Variants in CPEB2 observed in about 807,000 individuals in gnomAD.
The protein encoded by CPEB2 is cytoplasmic polyadenylation element binding protein 2, also known as cytoplasmic polyadenylation element-binding protein 2.
CPEB2 carries 56 observed loss-of-function variants against 93.6 expected under a neutral mutation model. The observed-to-expected ratio is 0.60, with a 90% confidence interval of 0.48 to 0.75. The LOEUF (loss-of-function observed/expected upper bound fraction) is 0.75. Among genes scored for constraint, CPEB2 ranks in the 30% least tolerant of loss-of-function variants. The pLI, the probability that CPEB2 is intolerant of heterozygous loss-of-function variation, is 0.00. For synonymous variants in CPEB2, 764 were observed against 586.3 expected, an observed-to-expected ratio of 1.30 and a Z score of -4.38; for missense variants, 1,579 against 1,395.1, an observed-to-expected ratio of 1.13 and a Z score of -2.10.
chr4:15,044,823 G>A (rs1006757795), intron 6 of CPEB2, among the ~76,000 whole-genome samples: 6 of 152,062 alleles, frequency 3.9e-5, no homozygotes, highest in East Asian at 1.9e-4. Context: ...GATGTGTGCC[G>A]CACATACACC....
chr4:15,059,328 TAAAA>T, intron 10 of CPEB2, 27 bp downstream of exon 10: 1 of 1,426,082 alleles, frequency 7.0e-7, no homozygotes, highest in Non-Finnish European at 9.9e-7. Flanking sequence ...CAATTTTGTT[TAAAA>T]AAATCATTTA....
At chr4:15,047,584 G>A (rs1249114471) in intron 6 of CPEB2, among the ~76,000 whole-genome samples, 1 of 151,856 alleles carries the variant, frequency 6.6e-6, no homozygotes, top group Admixed American at 6.6e-5. Flanking sequence ...TTTGGTTTTT[G>A]TAAATTGAAT....
intron 11 of CPEB2, among the ~76,000 whole-genome samples, chr4:15,063,065 C>T (rs570581161): frequency 3.3e-5 from 5 of 151,928 alleles, no homozygotes; most frequent in Admixed American, 6.6e-5. Flanking sequence ...TAAGAATATG[C>T]GGGTAAATGA....
At position 15,004,128 on chromosome 4, in the gene CPEB2, C is replaced by CG; in HGVS notation, c.1457dup (p.Gly487ArgfsTer65). On this transcript the variant is annotated frameshift_variant, in exon 1 of 12. Coordinates refer to ENST00000538197, the MANE Select transcript of CPEB2 (RefSeq NM_001177382.2). LOFTEE classifies it high-confidence loss of function. ...GCGTTCCGACGAGCGGCGGCGGCGG[C>CG]GGCGGCTTCGGCGGCCCCTTCTCGG... The CG allele has an allele frequency of 5.9e-6, 4 of 675,132 alleles. No individual in the cohort carries two copies. The highest frequency in any genetic ancestry group is 7.6e-5 in the East Asian group (1 of 13,186). The allele number at this position is 675,132 out of a possible 1,614,324, so 41.8% of individuals were successfully genotyped here. A position where few individuals can be genotyped will look rare whatever the true frequency, so the allele number is the denominator to read the frequency against.
At chr4:15,041,143 A>G (rs939625451) in intron 6 of CPEB2, among the ~76,000 whole-genome samples, 7 of 152,110 alleles carry the variant, frequency 4.6e-5, no homozygotes, top group Non-Finnish European at 1.0e-4. Flanking sequence ...ATGCAAGACT[A>G]TTATTGAACT....
At chr4:15,049,987 T>C (rs1457380685) in intron 6 of CPEB2, among the ~76,000 whole-genome samples, 2 of 152,212 alleles carry the variant, frequency 1.3e-5, no homozygotes, top group Non-Finnish European at 2.9e-5. Flanking sequence ...ATGTGTCATA[T>C]TGTTCAAGAT....
Position 15,003,459 on chromosome 4 carries a change from G to A in CPEB2, c.786G>A (p.Pro262=), listed in dbSNP as rs1432980702. ...RQRPADLPPL[P]QLPPSPPAAP... Reference sequence around the variant, plus strand: ...GTCCGGCAGACCTGCCCCCGCTCCCGCAGCTCCCTCCCTCGCCGCCTGCAG... The same window carrying A: ...GTCCGGCAGACCTGCCCCCGCTCCCACAGCTCCCTCCCTCGCCGCCTGCAG... The change falls in exon 1 of 12, where the codon CCG becomes CCA. Residue 262 remains proline, a synonymous_variant. Coordinates refer to ENST00000538197, the MANE Select transcript of CPEB2 (RefSeq NM_001177382.2). 2 of 1,375,318 alleles carry A rather than the reference G, an allele frequency of 1.5e-6. No individual in the cohort carries two copies. The highest frequency in any genetic ancestry group is 1.5e-5 in the African/African-American group (1 of 65,350). The allele number at this position is 1,375,318 out of a possible 1,614,324, so 85.2% of individuals were successfully genotyped here.
intron 4 of CPEB2, chr4:15,017,880 T>C (rs1291700332): frequency 6.6e-6 from 1 of 151,864 alleles, no homozygotes; most frequent in Non-Finnish European, 1.5e-5. Flanking sequence ...TCTGTACATA[T>C]TCTGTGTATA....
intron 4 of CPEB2, among the ~76,000 whole-genome samples, chr4:15,025,738 G>A (rs1725375616): frequency 2.0e-5 from 3 of 151,936 alleles, no homozygotes; most frequent in Admixed American, 1.3e-4. Context: ...CAGAGCTTCT[G>A]ATTTCTGAAC....
At chr4:15,023,000 G>T (rs529243082) in intron 4 of CPEB2, among the ~76,000 whole-genome samples, 5 of 151,966 alleles carry the variant, frequency 3.3e-5, no homozygotes, top group South Asian at 4.2e-4. Context: ...TTTCTTCCAA[G>T]CATCTTTGAA....
chr4:15,024,150 G>C (rs776061887), intron 4 of CPEB2, among the ~76,000 whole-genome samples: 5 of 151,964 alleles, frequency 3.3e-5, no homozygotes, highest in African/African-American at 4.8e-5. Flanking sequence ...TTATCATCCA[G>C]ATTGTTTTTT....
Position 15,004,297 on chromosome 4 carries a change from G to A in CPEB2, c.1624G>A (p.Ala542Thr), listed in dbSNP as rs967784776. 9 of 1,489,902 alleles carry A rather than the reference G, an allele frequency of 6.0e-6. No homozygotes were observed. In the Admixed American group the frequency reaches 1.3e-4, roughly 22 times the overall value. The allele number at this position is 1,489,902 out of a possible 1,614,324, so 92.3% of individuals were successfully genotyped here. ...LQQQHQAAAA[A>T]FLQQRNSYNH... ...GCAGCAGCACCAGGCGGCGGCCGCC[G>A]CCTTCCTGCAGCAGAGGAACTCCTA... Residue 542 changes from alanine to threonine, a missense_variant, in exon 1 of 12, where the codon GCC becomes ACC. Around this residue, in one of 2 missense-constraint regions of CPEB2, gnomAD observed 1,411 missense variants for 1,056.0 expected, o/e 1.34. Transcript: ENST00000538197.
intron 5 of CPEB2, among the ~76,000 whole-genome samples, chr4:15,034,399 G>A (rs955426741): frequency 2.0e-5 from 3 of 152,188 alleles, no homozygotes. Context: ...GTTGGGAAAA[G>A]CCCTTATAAA....
intron 3 of CPEB2, among the ~76,000 whole-genome samples, chr4:15,015,701 AAG>A (rs781039364): frequency 2.6e-5 from 4 of 151,958 alleles, no homozygotes; most frequent in Non-Finnish European, 2.9e-5. Flanking sequence ...TCGGGAAAAA[AAG>A]AAATTATGTA....
chr4:15,054,886 AAG>A (rs1329088361), intron 8 of CPEB2, among the ~76,000 whole-genome samples: 2 of 152,320 alleles, frequency 1.3e-5, no homozygotes, highest in East Asian at 1.9e-4. Context: ...GAATAAAAAA[AAG>A]AGGGGAGGTT....
intron 5 of CPEB2, among the ~76,000 whole-genome samples, chr4:15,035,888 C>T (rs1247030654): frequency 1.3e-5 from 2 of 152,164 alleles, no homozygotes; most frequent in African/African-American, 4.8e-5. Flanking sequence ...GCAGAACTGA[C>T]AGAAAGCTGA....
Position 15,003,455 on chromosome 4 carries a change from TC to T in CPEB2, c.785del (p.Pro262ArgfsTer46). The T allele has an allele frequency of 1.5e-6, 2 of 1,364,908 alleles. No individual in the cohort carries two copies. Among genetic ancestry groups the T allele is most frequent in the South Asian group, 1.8e-5 (1 of 56,298 alleles). 84.5% of individuals were successfully genotyped at this position (1,364,908 alleles called of 1,614,324 possible). A position where few individuals can be genotyped will look rare whatever the true frequency, so the allele number is the denominator to read the frequency against. ...CAGCGTCCGGCAGACCTGCCCCCGC[TC>T]CCGCAGCTCCCTCCCTCGCCGCCTG... The part of the protein sequence containing the change: ...PRQRPADLPP[L>X]PQLPPSPPAA... On this transcript the variant is annotated frameshift_variant, in exon 1 of 12. Coordinates refer to ENST00000538197, the MANE Select transcript of CPEB2 (RefSeq NM_001177382.2). LOFTEE classifies it high-confidence loss of function.
At chr4:15,025,039 C>T (rs1445411956) in intron 4 of CPEB2, among the ~76,000 whole-genome samples, 1 of 152,108 alleles carries the variant, frequency 6.6e-6, no homozygotes, top group Non-Finnish European at 1.5e-5. Flanking sequence ...GCCACCATGC[C>T]TGCCTCCCAT....
intron 5 of CPEB2, among the ~76,000 whole-genome samples, chr4:15,035,411 C>T (rs190941289): frequency 1.3e-5 from 2 of 152,014 alleles, no homozygotes; most frequent in African/African-American, 4.8e-5. Flanking sequence ...GGGGACTGTT[C>T]TGAGAAGTGA....
Sources: allele counts gnomAD v4.1 joint callset (sites outside exome capture counted in the v4.1 genomes callset), GRCh38; gene constraint gnomAD v4.1.1; regional missense constraint gnomAD v4.1.1; transcripts MANE v1.5; gene names NCBI Gene and HGNC (gene_info 2026-07-23, HGNC 2026-07-21).